The following TMEM221 variants were observed in gnomAD, a reference collection of about 807,000 sequenced individuals.
TMEM221 encodes the protein Putative transmembrane protein ENSP00000342162.
TMEM221 carries 11 observed loss-of-function variants against 10.2 expected under a neutral mutation model. The ratio of observed to expected loss-of-function variants is 1.08; its 90% CI spans 0.68 to 1.79. The LOEUF is 1.79. TMEM221 is among the 40% of genes most tolerant of loss of function. TMEM221 has a pLI of 0.00. For missense variants in TMEM221, 382 were observed against 417.7 expected (o/e 0.91, Z 0.75); for synonymous variants, 172 against 199.8 (o/e 0.86, Z 1.18).
chr19:17,439,955 C>T (rs1376936601), intron 2 of TMEM221, among the ~76,000 whole-genome samples: 3 of 152,058 alleles, frequency 2.0e-5, no homozygotes, highest in Non-Finnish European at 4.4e-5. Flanking sequence ...TTTTGGAAGC[C>T]GAGGTGAGAG....
At position 17,436,465 on chromosome 19, in the gene TMEM221, A is replaced by C. The variant is rs770173702; in HGVS notation, c.869T>G (p.Leu290Arg). The change falls in exon 3 of 3, where the codon CTG becomes CGG. Residue 290 changes from leucine to arginine, a missense_variant. Leu to Arg is a moderately radical substitution (Grantham distance 102). Coordinates refer to ENST00000341130, the MANE Select transcript of TMEM221 (RefSeq NM_001190844.2). ...TATTCCTCATCCCTGGGCTCACACC[A>C]GTGTGGAGTCCTTCCCCATGCTCCC... ...RPGSMGKDST[L>R]V The C allele has an allele frequency of 7.9e-5, 120 of 1,517,114 alleles. No individual in the cohort carries two copies. The highest frequency in any genetic ancestry group is 1.0e-4 in the Non-Finnish European group (117 of 1,133,690). 94.0% of individuals were successfully genotyped at this position (1,517,114 alleles called of 1,614,324 possible).
At chr19:17,442,861 C>T (rs1972169706) in intron 2 of TMEM221, among the ~76,000 whole-genome samples, 2 of 152,062 alleles carry the variant, frequency 1.3e-5, no homozygotes, top group Admixed American at 6.6e-5. Flanking sequence ...AAAAAAACTA[C>T]TTCTGGAGCA....
intron 2 of TMEM221, among the ~76,000 whole-genome samples, chr19:17,444,071 CTTTTTTT>C (rs67270566): frequency 2.3e-4 from 13 of 56,286 alleles, no homozygotes; most frequent in Admixed American, 1.2e-3. Flanking sequence ...AAAATGCTAT[CTTTTTTT>C]TTTTTTTTTT....
chr19:17,444,548 G>T (rs2074944719), intron 2 of TMEM221, among the ~76,000 whole-genome samples: 1 of 118,098 alleles, frequency 8.5e-6, no homozygotes, highest in African/African-American at 3.4e-5. Flanking sequence ...TAATGAGATA[G>T]GGTCTCGCTG....
At chr19:17,445,635 C>G (rs2032807002) in intron 1 of TMEM221, among the ~76,000 whole-genome samples, 2 of 151,834 alleles carry the variant, frequency 1.3e-5, no homozygotes, top group Admixed American at 1.3e-4. Context: ...TATGCCCATT[C>G]ATCCATCCAC....
At chr19:17,445,980 T>A (rs1315429451) in intron 1 of TMEM221, among the ~76,000 whole-genome samples, 1 of 152,110 alleles carries the variant, frequency 6.6e-6, no homozygotes, top group Non-Finnish European at 1.5e-5. Context: ...CACATCCATT[T>A]TTCCAAGTCA....
intron 2 of TMEM221, among the ~76,000 whole-genome samples, chr19:17,439,711 T>A (rs926173275): frequency 3.5e-5 from 5 of 144,782 alleles, no homozygotes; most frequent in South Asian, 2.2e-4. Flanking sequence ...AAAAAAAAAA[T>A]ACAAGCAAAT....
chr19:17,441,650 G>A (rs1239126731), intron 2 of TMEM221, among the ~76,000 whole-genome samples: 1 of 152,168 alleles, frequency 6.6e-6, no homozygotes, highest in African/African-American at 2.4e-5. Context: ...CTGGGCTACT[G>A]GGACAGATAG....
At chr19:17,444,554 C>T (rs1264966091) in intron 2 of TMEM221, among the ~76,000 whole-genome samples, 2 of 115,132 alleles carry the variant, frequency 1.7e-5, no homozygotes, top group African/African-American at 3.5e-5. Flanking sequence ...GATAGGGTCT[C>T]GCTGTATCAC....
chr19:17,444,022 T>C (rs1211077412), intron 2 of TMEM221, among the ~76,000 whole-genome samples: 1 of 150,500 alleles, frequency 6.6e-6, no homozygotes, highest in Non-Finnish European at 1.5e-5. Flanking sequence ...TGGAGATTGA[T>C]ATTTGTAACC....
Position 17,436,808 on chromosome 19 carries a change from C to A in TMEM221, c.526G>T (p.Ala176Ser). ...TGGAGCCCACGGCGGGCAGCCCGGG[C>A]AGCCCGGAGGAGAGTGTGGGTCAGC... is the stretch of plus-strand genomic sequence containing the variant. ...AVLTHTLLRA[A>S]RAARRGLHEL... Residue 176 changes from alanine (A) to serine (S), a missense_variant, in exon 3 of 3, where the codon GCC becomes TCC. Physicochemically the swap from Ala to Ser is moderately conservative, Grantham distance 99. Coordinates refer to ENST00000341130, the MANE Select transcript of TMEM221 (RefSeq NM_001190844.2). 1 of 1,510,436 alleles carries A rather than the reference C, an allele frequency of 6.6e-7. No homozygotes were observed. Among genetic ancestry groups the A allele is most frequent in the Non-Finnish European group, 8.8e-7 (1 of 1,131,576 alleles). 93.6% of individuals were successfully genotyped at this position (1,510,436 alleles called of 1,614,324 possible). A position where few individuals can be genotyped will look rare whatever the true frequency, so the allele number is the denominator to read the frequency against.
chr19:17,439,756 G>A (rs1390030239), intron 2 of TMEM221, among the ~76,000 whole-genome samples: 1 of 152,090 alleles, frequency 6.6e-6, no homozygotes, highest in Non-Finnish European at 1.5e-5. Flanking sequence ...TGGCTTCCAG[G>A]GATGAGGAAG....
Position 17,436,570 on chromosome 19 carries a change from A to ATTCTGGATGCAGG in TMEM221, c.751_763dup (p.Met255ThrfsTer53). On this transcript the variant is annotated frameshift_variant, in exon 3 of 3. Coordinates refer to ENST00000341130, the MANE Select transcript of TMEM221 (RefSeq NM_001190844.2). LOFTEE classifies it low-confidence loss of function (END_TRUNC). ...CAGGCCAGCCGACAGTGTCCGGTGC[A>ATTCTGGATGCAGG]TTCTGGATGCAGGCAGGCTGCTCTC... 1 of 1,536,042 alleles carries ATTCTGGATGCAGG rather than the reference A, an allele frequency of 6.5e-7. No individual in the cohort carries two copies. Among genetic ancestry groups the ATTCTGGATGCAGG allele is most frequent in the Non-Finnish European group, 8.7e-7 (1 of 1,146,876 alleles).
In TMEM221 at chr19:17,436,089, G is replaced by A. The variant is rs560568970; in HGVS notation, c.*369C>T. 2.3e-4 allele frequency: 42 copies of A among 180,264 alleles called. No homozygotes were observed. The South Asian group carries it at 6.1e-3, about 26-fold the overall frequency. 11.2% of individuals were successfully genotyped at this position (180,264 alleles called of 1,614,324 possible). On this transcript the variant is annotated 3_prime_UTR_variant, in exon 3 of 3. Coordinates refer to ENST00000341130, the MANE Select transcript of TMEM221 (RefSeq NM_001190844.2). ...TAGAGAATCACTGCCTAAGCCCCCCGCTCCCCTTATGCCTGTAACAGAATC... is the reference window on the plus strand; with the variant it reads ...TAGAGAATCACTGCCTAAGCCCCCCACTCCCCTTATGCCTGTAACAGAATC...
At position 17,448,108 on chromosome 19, in the gene TMEM221, C is replaced by A; in HGVS notation, c.320+35G>T. 1 of 1,318,562 alleles carries A rather than the reference C, an allele frequency of 7.6e-7. No homozygotes were observed. The highest frequency in any genetic ancestry group is 9.7e-7 in the Non-Finnish European group (1 of 1,034,188). The allele number at this position is 1,318,562 out of a possible 1,614,324, so 81.7% of individuals were successfully genotyped here. On this transcript the variant is annotated intron_variant, in intron 1 of 2. Coordinates refer to ENST00000341130, the MANE Select transcript of TMEM221 (RefSeq NM_001190844.2). The surrounding 1 kb of genome is among the most constrained non-coding windows in gnomAD (Gnocchi z 4.7). ...TCAACCAGGCTCACCCAGCCCCCAG[C>A]CGGGCCTCCGAGGCGGTGAGGCCAG...
intron 2 of TMEM221, among the ~76,000 whole-genome samples, chr19:17,439,687 C>T (rs926393476): frequency 2.2e-5 from 3 of 138,262 alleles, no homozygotes; most frequent in Non-Finnish European, 4.6e-5. Flanking sequence ...GACGCTGTCT[C>T]GAGAAAAAAG....
intron 2 of TMEM221, among the ~76,000 whole-genome samples, chr19:17,443,315 T>TTATTTATA (rs566661379): frequency 0.037 from 480 of 13,132 alleles, no homozygotes; most frequent in African/African-American, 0.057. Context: ...TTTTAAACAT[T>TTATTTATA]TATTTATTTA....
chr19:17,437,905 G>C (rs773371591), intron 2 of TMEM221, among the ~76,000 whole-genome samples: 1 of 142,480 alleles, frequency 7.0e-6, no homozygotes, highest in South Asian at 2.3e-4. Context: ...TTTTCTTCTT[G>C]TTCTTGTTCT....
Position 17,436,520 on chromosome 19 carries a change from C to G in TMEM221, c.814G>C (p.Glu272Gln). The change falls in exon 3 of 3, where the codon GAG (glutamate) becomes CAG (glutamine). Residue 272 changes from glutamate (E) to glutamine (Q), a missense_variant. Coordinates refer to ENST00000341130, the MANE Select transcript of TMEM221 (RefSeq NM_001190844.2). Reference protein sequence around the residue: ...GLGHWDGVTHEMRRMLGHRPG... With the variant: ...GLGHWDGVTHQMRRMLGHRPG... Reference sequence around the variant, plus strand: ...CTGTGGCCCAGCATTCGACGCATCTCGTGCGTAACCCCGTCCCAGTGCCCC... The same window carrying G: ...CTGTGGCCCAGCATTCGACGCATCTGGTGCGTAACCCCGTCCCAGTGCCCC... 6.5e-7 allele frequency: 1 copy of G among 1,535,640 alleles called. No individual in the cohort carries two copies. The highest frequency in any genetic ancestry group is 1.2e-5 in the South Asian group (1 of 84,002).
Sources: gnomAD v4.1 joint callset for allele counts (sites outside exome capture counted in the v4.1 genomes callset) on GRCh38, gnomAD v4.1.1 for gene constraint, Gnocchi (gnomAD v3.1) non-coding constraint, MANE v1.5 for transcripts, NCBI Gene and HGNC (gene_info 2026-07-23, HGNC 2026-07-21) for gene names.